ANXA10: variants seen among roughly 807,000 people sequenced by gnomAD.
The protein encoded by ANXA10 is annexin A10.
A neutral mutation model predicts 53.5 loss-of-function variants in ANXA10; 49 were observed. The ratio of observed to expected loss-of-function variants is 0.92; its 90% CI spans 0.73 to 1.16. The LOEUF (loss-of-function observed/expected upper bound fraction) is 1.16, where lower values mean the gene tolerates loss of function less well. ANXA10 is among the 50% of genes most tolerant of loss of function. The pLI is 0.00. For synonymous variants in ANXA10, 131 were observed against 128.9 expected, an observed-to-expected ratio of 1.02 and a Z score of -0.11; for missense variants, 393 against 394.4, an observed-to-expected ratio of 1.00 and a Z score of 0.03.
intron 3 of ANXA10, among the ~76,000 whole-genome samples, chr4:168,155,399 ATATAT>A (rs1731592072): frequency 1.9e-5 from 2 of 103,934 alleles, no homozygotes; most frequent in South Asian, 2.5e-4. Flanking sequence ...ATTATATATT[ATATAT>A]TATATTATAC....
intron 3 of ANXA10, among the ~76,000 whole-genome samples, chr4:168,154,241 T>A (rs563401554): frequency 2.6e-5 from 4 of 152,196 alleles, no homozygotes; most frequent in Non-Finnish European, 4.4e-5. Context: ...TTGCCTTTTT[T>A]ATCCTTTACC....
chr4:168,111,892 T>C (rs903867597), intron 1 of ANXA10, among the ~76,000 whole-genome samples: 1 of 152,178 alleles, frequency 6.6e-6, no homozygotes, highest in African/African-American at 2.4e-5. Flanking sequence ...AATTAAACTA[T>C]TTACAAGGAG....
chr4:168,148,089 GC>G (rs1226283702), intron 3 of ANXA10, among the ~76,000 whole-genome samples: 3 of 152,118 alleles, frequency 2.0e-5, no homozygotes, highest in Admixed American at 1.3e-4. Flanking sequence ...GGGCCCTTGA[GC>G]CAGAGGTCAG....
At chr4:168,136,252 C>T (rs1050277131) in intron 2 of ANXA10, among the ~76,000 whole-genome samples, 2 of 152,128 alleles carry the variant, frequency 1.3e-5, no homozygotes, top group Admixed American at 6.5e-5. Flanking sequence ...CCCCACAAAT[C>T]TCATGTTCTT....
chr4:168,172,755 T>C (rs1428835434), intron 6 of ANXA10, among the ~76,000 whole-genome samples: 5 of 151,834 alleles, frequency 3.3e-5, no homozygotes, highest in South Asian at 2.1e-4. Flanking sequence ...GGGAGAAGCA[T>C]TGTAGGGCTG....
At position 168,155,509 on chromosome 4, in the gene ANXA10, TAAA is replaced by T. The variant is rs1194425035; in HGVS notation, c.196-7017_196-7015del. Reference sequence around the variant, plus strand: ...TTATATAATATATAATTATATATTATAAAATATATAATTATATAATATATAATT... The same window carrying T: ...TTATATAATATATAATTATATATTATATATATAATTATATAATATATAATT... On this transcript the variant is annotated intron_variant, in intron 3 of 11. Transcript: ENST00000359299. Among the ~76,000 whole-genome samples, 84 of 18,122 alleles carry T rather than the reference TAAA, an allele frequency of 4.6e-3. 1 individual carries two copies. The highest frequency in any genetic ancestry group is 0.027 in the African/African-American group (79 of 2,876). 11.9% of individuals were successfully genotyped at this position (18,122 alleles called of 152,430 possible). A position where few individuals can be genotyped will look rare whatever the true frequency, so the allele number is the denominator to read the frequency against.
chr4:168,144,186 T>A (rs1230633253), intron 3 of ANXA10, among the ~76,000 whole-genome samples: 1 of 152,106 alleles, frequency 6.6e-6, no homozygotes, highest in Non-Finnish European at 1.5e-5. Flanking sequence ...TGTTCTTTTT[T>A]TTTTCCTTTT....
At chr4:168,107,168 G>GA (rs1197551671) in intron 1 of ANXA10, among the ~76,000 whole-genome samples, 2 of 151,786 alleles carry the variant, frequency 1.3e-5, no homozygotes, top group African/African-American at 4.8e-5. Flanking sequence ...CAATAAAAAA[G>GA]AAAAAAATAT....
chr4:168,177,815 A>T, intron 7 of ANXA10, 22 bp downstream of exon 7: 1 of 1,614,146 alleles, frequency 6.2e-7, no homozygotes. Flanking sequence ...CAGTTCTCAG[A>T]CTGACTGCAA....
rs553178064 is a variant in ANXA10 at position 168,147,920 on chromosome 4, G to C, written c.195+8340G>C. Reference sequence around the variant, plus strand: ...GGAAGGAAAAGTTCAGGGGACATGAGGGAGACAGAGGCTCTGCATTAGTCA... The same window carrying C: ...GGAAGGAAAAGTTCAGGGGACATGACGGAGACAGAGGCTCTGCATTAGTCA... On this transcript the variant is annotated intron_variant, in intron 3 of 11. Coordinates refer to ENST00000359299, the MANE Select transcript of ANXA10 (RefSeq NM_007193.5). Among the ~76,000 whole-genome samples the C allele has an allele frequency of 2.0e-5, 3 of 152,310 alleles. No individual in the cohort carries two copies. In the South Asian group the frequency reaches 6.2e-4, roughly 32 times the overall value.
At chr4:168,184,415 A>G (rs1213768101) in intron 10 of ANXA10, 144 bp from the exon 11 acceptor site, 3 of 912,184 alleles carry the variant, frequency 3.3e-6, no homozygotes, top group South Asian at 3.2e-5. Context: ...GATCTGAACC[A>G]CAGCCTGTGT....
In ANXA10 at chr4:168,187,358, CT is replaced by C; in HGVS notation, c.907-4del. 6.4e-7 allele frequency: 1 copy of C among 1,560,224 alleles called. No homozygotes were observed. The highest frequency in any genetic ancestry group is 8.7e-7 in the Non-Finnish European group (1 of 1,145,980). On this transcript the variant is annotated splice_polypyrimidine_tract_variant and splice_region_variant and intron_variant, in intron 11 of 11. Transcript: ENST00000359299. ...TTTATTTCAAATATATTATATTTTTCTTTTCAGAATTTTGCTTCAGGGCATT... is the reference window on the plus strand; with the variant it reads ...TTTATTTCAAATATATTATATTTTTCTTTCAGAATTTTGCTTCAGGGCATT...
chr4:168,115,499 A>ACG (rs1210281681), intron 1 of ANXA10, among the ~76,000 whole-genome samples: 28 of 45,904 alleles, frequency 6.1e-4, no homozygotes, highest in Middle Eastern at 0.012. Context: ...ATACACACGC[A>ACG]CACACACACA....
chr4:168,157,441 T>C (rs921353262), intron 3 of ANXA10, among the ~76,000 whole-genome samples: 2 of 152,012 alleles, frequency 1.3e-5, no homozygotes, highest in Non-Finnish European at 1.5e-5. Context: ...CTAATTGTTA[T>C]ATTTTTAGTA....
At chr4:168,137,093 C>A (rs560232178) in intron 2 of ANXA10, among the ~76,000 whole-genome samples, 4 of 152,280 alleles carry the variant, frequency 2.6e-5, no homozygotes, top group African/African-American at 4.8e-5. Flanking sequence ...ATGCAGAGAG[C>A]AGTGTCCCAC....
At chr4:168,101,838 C>T (rs1008917604) in intron 1 of ANXA10, among the ~76,000 whole-genome samples, 1 of 151,990 alleles carries the variant, frequency 6.6e-6, no homozygotes, top group Non-Finnish European at 1.5e-5. Context: ...TCCTACTTAT[C>T]GATTTCTCTG....
At chr4:168,107,652 G>C (rs912288180) in intron 1 of ANXA10, among the ~76,000 whole-genome samples, 3 of 152,190 alleles carry the variant, frequency 2.0e-5, no homozygotes, top group South Asian at 4.1e-4. Context: ...AGGCTGGAAA[G>C]TCCAAGATCA....
chr4:168,119,343 C>G (rs1730949895), intron 1 of ANXA10, among the ~76,000 whole-genome samples: 1 of 152,112 alleles, frequency 6.6e-6, no homozygotes, highest in African/African-American at 2.4e-5. Context: ...TGATAGGAAA[C>G]TAGGAATTAC....
At position 168,114,687 on chromosome 4, in the gene ANXA10, A is replaced by G. The variant is rs376783217; in HGVS notation, c.19-13397A>G. On this transcript the variant is annotated intron_variant, in intron 1 of 11. Transcript: ENST00000359299. Reference sequence around the variant, plus strand: ...ATCCAATGTGTGCTGTTCTCCCTCTATGTGTCCATGTGTTCTCATCATTTA... The same window carrying G: ...ATCCAATGTGTGCTGTTCTCCCTCTGTGTGTCCATGTGTTCTCATCATTTA... Among the ~76,000 whole-genome samples the G allele has an allele frequency of 3.9e-5, 6 of 152,134 alleles. No homozygotes were observed. In the South Asian group the frequency reaches 8.3e-4, roughly 21 times the overall value.
Sources: gnomAD v4.1 joint callset for allele counts (sites outside exome capture counted in the v4.1 genomes callset) on GRCh38, gnomAD v4.1.1 for gene constraint, MANE v1.5 for transcripts, NCBI Gene and HGNC (gene_info 2026-07-23, HGNC 2026-07-21) for gene names.